Variants in STK39 observed in about 807,000 individuals in gnomAD.
STK39 encodes the protein STE20/SPS1-related proline-alanine-rich protein kinase.
Under a neutral mutation model 77.8 loss-of-function variants are expected in STK39, and 20 were observed. The observed-to-expected ratio is 0.26, with a 90% CI of 0.18 to 0.37. The LOEUF is 0.37. Ranked by LOEUF, STK39 falls within the 10% of genes least tolerant of loss-of-function variation. The probability of loss-of-function intolerance (pLI) is 1.00; values close to 1 mark genes in which losing one functional copy is unlikely to be tolerated. For missense variants in STK39, 479 were observed against 656.5 expected (o/e 0.73, Z 2.95); for synonymous variants, 246 against 234.1 (o/e 1.05, Z -0.47).
intron 10 of STK39, among the ~76,000 whole-genome samples, chr2:168,108,566 G>T (rs190463721): frequency 2.3e-4 from 34 of 147,994 alleles, no homozygotes; most frequent in African/African-American, 7.7e-4. Flanking sequence ...AAAAAGAAAA[G>T]AAAATAAAAA....
intron 1 of STK39, among the ~76,000 whole-genome samples, 167 bp downstream of exon 1, chr2:168,247,061 T>TAAAAAAAA (rs755613797): frequency 5.6e-5 from 5 of 89,294 alleles, no homozygotes; most frequent in African/African-American, 1.8e-4. Flanking sequence ...CATTAAAAAT[T>TAAAAAAAA]AAAAAAAAAA....
At chr2:168,174,946 C>G (rs2105614518) in intron 2 of STK39, among the ~76,000 whole-genome samples, 1 of 152,014 alleles carries the variant, frequency 6.6e-6, no homozygotes, top group East Asian at 1.9e-4. Context: ...ACCACTGCTG[C>G]TGTATTTGGG....
At chr2:168,004,541 G>C (rs1412907650) in intron 16 of STK39, among the ~76,000 whole-genome samples, 2 of 151,796 alleles carry the variant, frequency 1.3e-5, no homozygotes, top group Admixed American at 1.3e-4. Flanking sequence ...GACCATTCTG[G>C]GTAACAGGGC....
chr2:168,027,572 A>C (rs980106321), intron 14 of STK39, among the ~76,000 whole-genome samples: 5 of 152,238 alleles, frequency 3.3e-5, no homozygotes, highest in Non-Finnish European at 7.3e-5. Flanking sequence ...ATATACATAC[A>C]TGCATGTACA....
intron 10 of STK39, among the ~76,000 whole-genome samples, chr2:168,090,661 C>T (rs138098414): frequency 1.1e-4 from 16 of 152,222 alleles, no homozygotes; most frequent in Non-Finnish European, 2.4e-4. Flanking sequence ...CAAATAAATA[C>T]CCTAGGCTAA....
intron 14 of STK39, among the ~76,000 whole-genome samples, chr2:168,040,775 A>C (rs1685083400): frequency 6.6e-6 from 1 of 152,224 alleles, no homozygotes; most frequent in Admixed American, 6.5e-5. Flanking sequence ...GACTTAACCC[A>C]TAACATTGAA....
intron 1 of STK39, among the ~76,000 whole-genome samples, chr2:168,194,630 G>A (rs1689423558): frequency 6.6e-6 from 1 of 152,118 alleles, no homozygotes; most frequent in African/African-American, 2.4e-5. Context: ...ACCTAGGATT[G>A]AAATTAAGTT....
At chr2:168,143,239 T>G (rs1237405433) in intron 5 of STK39, among the ~76,000 whole-genome samples, 3 of 152,038 alleles carry the variant, frequency 2.0e-5, no homozygotes, top group Admixed American at 6.6e-5. Flanking sequence ...ACAAAAAGGG[T>G]CTAAGACCTT....
intron 17 of STK39, among the ~76,000 whole-genome samples, chr2:167,962,808 C>T (rs576038632): frequency 1.3e-5 from 2 of 152,278 alleles, no homozygotes; most frequent in Admixed American, 6.5e-5. Flanking sequence ...CTGTTGAGAG[C>T]GTGGGCACTG....
intron 10 of STK39, among the ~76,000 whole-genome samples, chr2:168,118,488 A>G (rs1687313943): frequency 6.6e-6 from 1 of 152,118 alleles, no homozygotes; most frequent in South Asian, 2.1e-4. Context: ...CAATCTAAAA[A>G]TAAAGACATT....
At chr2:168,082,985 T>C (rs182021969) in intron 10 of STK39, among the ~76,000 whole-genome samples, 43 of 152,302 alleles carry the variant, frequency 2.8e-4, no homozygotes, top group African/African-American at 1.0e-3. Context: ...ATGCCTGCCA[T>C]ATAAGAAGCA....
chr2:168,114,441 T>C (rs576451836), intron 10 of STK39, among the ~76,000 whole-genome samples: 1 of 152,320 alleles, frequency 6.6e-6, no homozygotes, highest in African/African-American at 2.4e-5. Flanking sequence ...TTAGAATCTC[T>C]GTTATAATCT....
intron 10 of STK39, among the ~76,000 whole-genome samples, chr2:168,091,824 T>C (rs1686534005): frequency 1.3e-5 from 2 of 152,230 alleles, no homozygotes; most frequent in South Asian, 4.1e-4. Context: ...CTTCAGTATT[T>C]TTAAACTAAA....
chr2:168,175,178 G>A (rs79762792), intron 2 of STK39, among the ~76,000 whole-genome samples: 2,054 of 152,122 alleles, frequency 0.014, 46 homozygotes, highest in African/African-American at 0.047. Flanking sequence ...AAATAAGAAC[G>A]ACAATAACAT....
intron 17 of STK39, among the ~76,000 whole-genome samples, chr2:167,961,754 C>G (rs1691966062): frequency 6.6e-6 from 1 of 152,214 alleles, no homozygotes; most frequent in Non-Finnish European, 1.5e-5. Flanking sequence ...TCAGGGTTTG[C>G]TGAACACTGG....
intron 10 of STK39, among the ~76,000 whole-genome samples, chr2:168,121,658 C>A (rs1449581924): frequency 6.6e-6 from 1 of 152,186 alleles, no homozygotes; most frequent in African/African-American, 2.4e-5. Flanking sequence ...TGCACCCCAC[C>A]CCACCTACAG....
chr2:168,126,065 A>T (rs564235822), intron 10 of STK39, among the ~76,000 whole-genome samples: 1 of 152,342 alleles, frequency 6.6e-6, no homozygotes, highest in African/African-American at 2.4e-5. Context: ...AGAGGAGAAG[A>T]GAATGCTGTT....
intron 7 of STK39, among the ~76,000 whole-genome samples, chr2:168,138,463 A>C (rs1035636193): frequency 6.6e-6 from 1 of 152,240 alleles, no homozygotes; most frequent in African/African-American, 2.4e-5. Context: ...CTATGTGTTA[A>C]GAATGATCCC....
intron 2 of STK39, among the ~76,000 whole-genome samples, chr2:168,174,251 A>C (rs1228506582): frequency 6.6e-6 from 1 of 152,208 alleles, no homozygotes; most frequent in Non-Finnish European, 1.5e-5. Context: ...TGTCAGGGCA[A>C]TTGAAGGTCT....
Sources: gnomAD v4.1 joint callset for allele counts (sites outside exome capture counted in the v4.1 genomes callset) on GRCh38, gnomAD v4.1.1 for gene constraint, MANE v1.5 for transcripts, NCBI Gene and HGNC (gene_info 2026-07-23, HGNC 2026-07-21) for gene names.